CSRNP1: variants seen among roughly 807,000 people sequenced by gnomAD.
The protein encoded by CSRNP1 is cysteine/serine-rich nuclear protein 1.
A neutral mutation model predicts 25.0 loss-of-function variants in CSRNP1; 8 were observed. That is an observed-to-expected ratio of 0.32 (90% CI 0.19 to 0.58). The LOEUF (loss-of-function observed/expected upper bound fraction) is 0.58, where lower values mean the gene tolerates loss of function less well. CSRNP1 is among the 20% of genes least tolerant of loss of function. The pLI is 0.88. For missense variants in CSRNP1, 691 were observed against 773.1 expected (o/e 0.89, Z 1.26); for synonymous variants, 305 against 303.1 (o/e 1.01, Z -0.06).
At chr3:39,152,632 T>C (rs2039598362) in intron 1 of CSRNP1, 1 of 153,912 alleles carries the variant, frequency 6.5e-6, no homozygotes, top group Non-Finnish European at 1.5e-5. Flanking sequence ...CGGCTGTGTG[T>C]GTTTGTGCCG....
Position 39,143,960 on chromosome 3 carries a change from C to T in CSRNP1, c.865G>A (p.Val289Ile), listed in dbSNP as rs1441697885. The T allele has an allele frequency of 1.2e-6, 2 of 1,614,048 alleles. No homozygotes were observed. The highest frequency in any genetic ancestry group is 1.7e-6 in the Non-Finnish European group (2 of 1,180,038). The change falls in exon 5 of 5, where the codon GTT becomes ATT. Residue 289 changes from valine (V) to isoleucine (I), a missense_variant. Coordinates refer to ENST00000273153, the MANE Select transcript of CSRNP1 (RefSeq NM_033027.4). The stretch of plus-strand genomic sequence containing the variant: ...AGTGTGTGGATGAAATGGGTCTGAA[C>T]TCTTGCCTGATTAAATTCCACACGG... ...MGRVEFNQAR[V>I]QTHFIHTLTR...
Position 39,144,011 on chromosome 3 carries a change from T to C in CSRNP1, c.814A>G (p.Arg272Gly). 6.2e-7 allele frequency: 1 copy of C among 1,613,102 alleles called. No individual in the cohort carries two copies. Among genetic ancestry groups the C allele is most frequent in the Non-Finnish European group, 8.5e-7 (1 of 1,179,998 alleles). Residue 272 changes from arginine to glycine, a missense_variant, in exon 5 of 5, where the codon AGG becomes GGG. By Grantham distance (125) the Arg-to-Gly change is moderately radical. Coordinates refer to ENST00000273153, the MANE Select transcript of CSRNP1 (RefSeq NM_033027.4). ...DHTAFPCGCC[R>G]EGCENPMGRV... ...CCCATGGGGTTCTCACAGCCCTCCCTGCAGCAGCCACAGGGGAATGCTGTG... is the reference window on the plus strand; with the variant it reads ...CCCATGGGGTTCTCACAGCCCTCCCCGCAGCAGCCACAGGGGAATGCTGTG...
At chr3:39,145,972 A>C (rs771461435) in intron 2 of CSRNP1, among the ~76,000 whole-genome samples, 32 of 152,254 alleles carry the variant, frequency 2.1e-4, no homozygotes, top group Non-Finnish European at 3.7e-4. Context: ...ATGAAAAATA[A>C]GGTCCAGAAA....
upstream of CSRNP1, chr3:39,153,696 C>T (rs2039618237): frequency 6.6e-6 from 1 of 151,886 alleles, no homozygotes. Flanking sequence ...CGCCCGGCAG[C>T]CCCGCCCCGG....
At position 39,143,654 on chromosome 3, in the gene CSRNP1, G is replaced by A. The variant is rs772736848; in HGVS notation, c.1171C>T (p.Leu391=). ...TCACTGAAACTCAAGATGCGTGCCAGGCTGTCATCATCAACGCCAGGCTGG... is the reference window on the plus strand; with the variant it reads ...TCACTGAAACTCAAGATGCGTGCCAAGCTGTCATCATCAACGCCAGGCTGG... ...GFQPGVDDDS[L]ARILSFSDSD... is the part of the protein sequence containing the mutation. Residue 391 remains leucine (L), a synonymous_variant, in exon 5 of 5, where the codon CTG becomes TTG. Coordinates refer to ENST00000273153, the MANE Select transcript of CSRNP1 (RefSeq NM_033027.4). The A allele has an allele frequency of 1.9e-6, 3 of 1,614,258 alleles. No homozygotes were observed. Among genetic ancestry groups the A allele is most frequent in the Admixed American group, 3.3e-5 (2 of 60,032 alleles).
At position 39,142,341 on chromosome 3, in the gene CSRNP1, G is replaced by C. The variant is rs1356370232; in HGVS notation, c.*714C>G. 6.6e-6 allele frequency: 1 copy of C among 152,534 alleles called. No homozygotes were observed. The highest frequency in any genetic ancestry group is 1.5e-5 in the Non-Finnish European group (1 of 68,158). The allele number at this position is 152,534 out of a possible 1,614,324, so 9.4% of individuals were successfully genotyped here. A position where few individuals can be genotyped will look rare whatever the true frequency, so the allele number is the denominator to read the frequency against. ...CAGGGTGGGGCAGAAGGGAGTTTTG[G>C]TCACAGCTGTTCAGCCCAGGCTCTC... On this transcript the variant is annotated 3_prime_UTR_variant, in exon 5 of 5. Transcript: ENST00000273153.
chr3:39,144,957 GC>G, intron 3 of CSRNP1, 39 bp downstream of exon 3: 1 of 1,560,546 alleles, frequency 6.4e-7, no homozygotes, highest in South Asian at 1.2e-5. Context: ...GACTCCAGGA[GC>G]TGCCTCAGGA....
chr3:39,147,261 G>A (rs578132209), intron 1 of CSRNP1, among the ~76,000 whole-genome samples: 1 of 151,424 alleles, frequency 6.6e-6, no homozygotes, highest in East Asian at 2.0e-4. Context: ...ACGCCCTACA[G>A]CCCGCACAGC....
rs1439677110 is a variant in CSRNP1, at chr3:39,143,030, G to C, written c.*25C>G. On this transcript the variant is annotated 3_prime_UTR_variant, in exon 5 of 5. Transcript: ENST00000273153. Reference sequence around the variant, plus strand: ...CAAGAAAGCAGCAACAGGTCTCTTGGGGCTGGGAAAAGACATCCTGGTCCT... The same window carrying C: ...CAAGAAAGCAGCAACAGGTCTCTTGCGGCTGGGAAAAGACATCCTGGTCCT... 14 of 1,533,032 alleles carry C rather than the reference G, an allele frequency of 9.1e-6. No individual in the cohort carries two copies. Among genetic ancestry groups the C allele is most frequent in the African/African-American group, 2.8e-5 (2 of 72,246 alleles). The allele number at this position is 1,533,032 out of a possible 1,614,324, so 95.0% of individuals were successfully genotyped here. A position where few individuals can be genotyped will look rare whatever the true frequency, so the allele number is the denominator to read the frequency against.
rs775335978 is a variant in CSRNP1 at position 39,143,934 on chromosome 3, G to A, written c.891C>T (p.Leu297=). 5 of 1,614,216 alleles carry A rather than the reference G, an allele frequency of 3.1e-6. No individual in the cohort carries two copies. The Admixed American group carries it at 5.0e-5, about 16-fold the overall frequency. Residue 297 remains leucine (L), a synonymous_variant, in exon 5 of 5, where the codon CTC becomes CTT. Transcript: ENST00000273153. The stretch of plus-strand genomic sequence containing the variant: ...CCTCCTGTTCCAACTGCAGGCGGGT[G>A]AGTGTGTGGATGAAATGGGTCTGAA... ...ARVQTHFIHT[L]TRLQLEQEAE...
intron 3 of CSRNP1, 137 bp from the exon 4 acceptor site, chr3:39,144,588 G>T: frequency 1.2e-6 from 1 of 836,934 alleles, no homozygotes; most frequent in Non-Finnish European, 1.8e-6. Flanking sequence ...CTGTGTGTCA[G>T]ACAGTGAACA....
upstream of CSRNP1, chr3:39,153,764 G>T (rs1465990939): frequency 6.7e-5 from 10 of 149,778 alleles, no homozygotes; most frequent in African/African-American, 2.5e-4. Flanking sequence ...GCCTCCCTGC[G>T]GACTGTGACC....
Position 39,145,060 on chromosome 3 carries a change from A to G in CSRNP1, c.402T>C (p.Arg134=), listed in dbSNP as rs2039486629. The change falls in exon 3 of 5, where the codon CGT becomes CGC. Residue 134 remains arginine, a synonymous_variant. Transcript: ENST00000273153. The part of the protein sequence containing the change: ...SLAEFAQEQA[R]ARHEKLRQRL... The stretch of plus-strand genomic sequence containing the variant: ...GCTGGCGGAGCTTCTCGTGCCGTGC[A>G]CGGGCTTGCTCCTGCGCAAACTCAG... 1 of 1,614,142 alleles carries G rather than the reference A, an allele frequency of 6.2e-7. No individual in the cohort carries two copies. The highest frequency in any genetic ancestry group is 8.5e-7 in the Non-Finnish European group (1 of 1,180,044).
Position 39,145,059 on chromosome 3 carries a change from C to T in CSRNP1, c.403G>A (p.Ala135Thr). ...LAEFAQEQAR[A>T]RHEKLRQRLK... ...CGCTGGCGGAGCTTCTCGTGCCGTGCACGGGCTTGCTCCTGCGCAAACTCA... is the reference window on the plus strand; with the variant it reads ...CGCTGGCGGAGCTTCTCGTGCCGTGTACGGGCTTGCTCCTGCGCAAACTCA... Residue 135 changes from alanine (A) to threonine (T), a missense_variant, in exon 3 of 5, where the codon GCA (alanine) becomes ACA (threonine). Physicochemically the swap from Ala to Thr is moderately conservative, Grantham distance 58 (BLOSUM62 0). Coordinates refer to ENST00000273153, the MANE Select transcript of CSRNP1 (RefSeq NM_033027.4). The T allele has an allele frequency of 6.2e-7, 1 of 1,614,244 alleles. No individual in the cohort carries two copies. The highest frequency in any genetic ancestry group is 8.5e-7 in the Non-Finnish European group (1 of 1,180,028).
intron 3 of CSRNP1, 126 bp downstream of exon 3, chr3:39,144,871 C>T (rs2039482527): frequency 1.7e-6 from 2 of 1,179,658 alleles, no homozygotes; most frequent in East Asian, 5.2e-5. Flanking sequence ...AATCACCAGG[C>T]CCACAGGCCT....
In CSRNP1 at chr3:39,142,699, T is replaced by A. The variant is rs1175721602; in HGVS notation, c.*356A>T. 1.1e-5 allele frequency: 2 copies of A among 188,882 alleles called. No individual in the cohort carries two copies. The highest frequency in any genetic ancestry group is 2.2e-5 in the Non-Finnish European group (2 of 91,092). 11.7% of individuals were successfully genotyped at this position (188,882 alleles called of 1,614,324 possible). ...GAAGCCACCTGATTTCAGCCCTGTC[T>A]CACCGTCTTTGGGCTAAGGAACATC... is the stretch of plus-strand genomic sequence containing the variant. On this transcript the variant is annotated 3_prime_UTR_variant, in exon 5 of 5. Coordinates refer to ENST00000273153, the MANE Select transcript of CSRNP1 (RefSeq NM_033027.4).
At position 39,145,246 on chromosome 3, in the gene CSRNP1, G is replaced by C. The variant is rs1335693782; in HGVS notation, c.216C>G (p.Ile72Met). 6.3e-7 allele frequency: 1 copy of C among 1,592,442 alleles called. No individual in the cohort carries two copies. ...CGPRSFTPLS[I>M]LKRARRERPG... The stretch of plus-strand genomic sequence containing the variant: ...GGCGCTCCCGGCGAGCCCGCTTCAG[G>C]ATAGACAGGGCTAGAAAGCAGGCAA... The change falls in exon 3 of 5, where the codon ATC (isoleucine) becomes ATG (methionine). Residue 72 changes from isoleucine (I) to methionine (M), a missense_variant. Coordinates refer to ENST00000273153, the MANE Select transcript of CSRNP1 (RefSeq NM_033027.4).
At chr3:39,146,401 T>G in intron 2 of CSRNP1, 77 bp downstream of exon 2, 1 of 1,460,116 alleles carries the variant, frequency 6.8e-7, no homozygotes, top group Non-Finnish European at 9.1e-7. Flanking sequence ...GCCAAAGGCA[T>G]TTGGTCAGGG....
rs1370740545 is a variant in CSRNP1, at chr3:39,143,028, TGG to T, written c.*25_*26del. 43 of 1,531,146 alleles carry T rather than the reference TGG, an allele frequency of 2.8e-5. No homozygotes were observed. Among genetic ancestry groups the T allele is most frequent in the Non-Finnish European group, 3.5e-5 (40 of 1,139,250 alleles). The allele number at this position is 1,531,146 out of a possible 1,614,324, so 94.8% of individuals were successfully genotyped here. On this transcript the variant is annotated 3_prime_UTR_variant, in exon 5 of 5. Coordinates refer to ENST00000273153, the MANE Select transcript of CSRNP1 (RefSeq NM_033027.4). ...TACAAGAAAGCAGCAACAGGTCTCTTGGGGCTGGGAAAAGACATCCTGGTCCT... is the reference window on the plus strand; with the variant it reads ...TACAAGAAAGCAGCAACAGGTCTCTTGGCTGGGAAAAGACATCCTGGTCCT...
Sources: allele counts gnomAD v4.1 joint callset (sites outside exome capture counted in the v4.1 genomes callset), GRCh38; gene constraint gnomAD v4.1.1; transcripts MANE v1.5; gene names NCBI Gene and HGNC (gene_info 2026-07-23, HGNC 2026-07-21).